Variants in NEDD8 observed in about 807,000 individuals in gnomAD.
NEDD8 encodes the protein NEDD8 ubiquitin like modifier, also known as ubiquitin-like protein NEDD8.
A neutral mutation model predicts 13.8 loss-of-function variants in NEDD8; 1 was observed. The observed-to-expected ratio is 0.07, with a 90% CI of 0.03 to 0.34. The LOEUF (loss-of-function observed/expected upper bound fraction) is 0.34. NEDD8 is among the 10% of genes least tolerant of loss of function. The pLI, the probability that NEDD8 is intolerant of heterozygous loss-of-function variation, is 0.99. For synonymous variants in NEDD8, 31 were observed against 33.2 expected, an observed-to-expected ratio of 0.93 and a Z score of 0.23; for missense variants, 10 against 95.2, an observed-to-expected ratio of 0.10 and a Z score of 3.73.
intron 1 of NEDD8, among the ~76,000 whole-genome samples, chr14:24,220,843 T>A (rs1270288058): frequency 6.6e-6 from 1 of 152,258 alleles, no homozygotes; most frequent in African/African-American, 2.4e-5. Context: ...CCGTCCTACC[T>A]GAGTCTGGCT....
intron 3 of NEDD8, 137 bp downstream of exon 3, chr14:24,217,996 A>T: frequency 9.9e-7 from 1 of 1,006,194 alleles, no homozygotes; most frequent in Non-Finnish European, 1.5e-6. Flanking sequence ...GAAGGGGCTT[A>T]GAGGCTTCAC....
rs750981651 is a variant in NEDD8 at position 24,232,285 on chromosome 14, G to T, written c.-18C>A. ...ATTAGCATCTTCTTTCCAGTTTGGG[G>T]CTGCACACGGATAAATTGCTGCTCC... On this transcript the variant is annotated 5_prime_UTR_variant, in exon 1 of 4. Coordinates refer to ENST00000250495, the MANE Select transcript of NEDD8 (RefSeq NM_006156.3). 6 of 1,613,774 alleles carry T rather than the reference G, an allele frequency of 3.7e-6. No individual in the cohort carries two copies. The highest frequency in any genetic ancestry group is 1.1e-5 in the South Asian group (1 of 91,072).
chr14:24,218,858 T>C lies in NEDD8; in HGVS notation c.19-427A>G, dbSNP rs1484405429. 3.2e-5 allele frequency: 7 copies of C among 220,394 alleles called. No homozygotes were observed. In the East Asian group the frequency reaches 7.8e-4, roughly 25 times the overall value. The allele number at this position is 220,394 out of a possible 1,614,324, so 13.7% of individuals were successfully genotyped here. On this transcript the variant is annotated intron_variant, in intron 1 of 3. Coordinates refer to ENST00000250495, the MANE Select transcript of NEDD8 (RefSeq NM_006156.3). ...GCCTCCCAGGTTCAACCAATTCTCC[T>C]GCCTCAGCCTCCCACGTAGCTGGGA...
intron 1 of NEDD8, among the ~76,000 whole-genome samples, chr14:24,224,688 G>T (rs757755755): frequency 3.3e-5 from 5 of 152,122 alleles, no homozygotes; most frequent in African/African-American, 4.8e-5. Context: ...AACCCCCAAT[G>T]AAACAATGTA....
At chr14:24,227,712 G>A (rs1216401481) in intron 1 of NEDD8, 1 of 152,192 alleles carries the variant, frequency 6.6e-6, no homozygotes, top group Non-Finnish European at 1.5e-5. Context: ...ATAGAGACAA[G>A]GTAACAAGAT....
At chr14:24,221,045 G>A (rs1307365037) in intron 1 of NEDD8, among the ~76,000 whole-genome samples, 2 of 152,188 alleles carry the variant, frequency 1.3e-5, no homozygotes, top group East Asian at 1.9e-4. Context: ...GTTTGGATAT[G>A]AAAGAATAAA....
intron 2 of NEDD8, 41 bp from the exon 3 acceptor site, chr14:24,218,256 A>G: frequency 1.2e-6 from 2 of 1,614,088 alleles, no homozygotes; most frequent in Non-Finnish European, 1.7e-6. Flanking sequence ...GCTTAGGGGT[A>G]GGACCATGGA....
At position 24,217,047 on chromosome 14, in the gene NEDD8, G is replaced by A. The variant is rs11500; in HGVS notation, c.*80C>T. 2.7e-6 allele frequency: 3 copies of A among 1,129,720 alleles called. No homozygotes were observed. The highest frequency in any genetic ancestry group is 1.5e-5 in the African/African-American group (1 of 64,690). The allele number at this position is 1,129,720 out of a possible 1,614,324, so 70.0% of individuals were successfully genotyped here. Reference sequence around the variant, plus strand: ...TGGGCATCCAGGGGAGGGGGCAGTGGCTATGGTGTCCCAGAGAGTGAGAGG... The same window carrying A: ...TGGGCATCCAGGGGAGGGGGCAGTGACTATGGTGTCCCAGAGAGTGAGAGG... On this transcript the variant is annotated 3_prime_UTR_variant, in exon 4 of 4. Transcript: ENST00000250495.
At chr14:24,220,297 C>G (rs908428562) in intron 1 of NEDD8, among the ~76,000 whole-genome samples, 1 of 152,170 alleles carries the variant, frequency 6.6e-6, no homozygotes, top group African/African-American at 2.4e-5. Context: ...ATAATCACAG[C>G]TAACATTTAC....
At position 24,217,298 on chromosome 14, in the gene NEDD8, G is replaced by T. The variant is rs1415004099; in HGVS notation, c.150-75C>A. 4 of 1,309,838 alleles carry T rather than the reference G, an allele frequency of 3.1e-6. No individual in the cohort carries two copies. In the East Asian group the frequency reaches 1.0e-4, roughly 33 times the overall value. 81.1% of individuals were successfully genotyped at this position (1,309,838 alleles called of 1,614,324 possible). A position where few individuals can be genotyped will look rare whatever the true frequency, so the allele number is the denominator to read the frequency against. On this transcript the variant is annotated intron_variant, in intron 3 of 3. Transcript: ENST00000250495. ...TTTTGTTGTTGTTGTTGTTGTTGTT[G>T]TTGTTGTTTTTGACAGAGTCTCGCT... is the stretch of plus-strand genomic sequence containing the variant.
At chr14:24,231,901 C>T (rs983275745) in intron 1 of NEDD8, 3 of 293,874 alleles carry the variant, frequency 1.0e-5, no homozygotes, top group Non-Finnish European at 1.9e-5. Flanking sequence ...GCGCTTACTC[C>T]AAGAATCTGA....
At chr14:24,228,534 A>T (rs1214428697) in intron 1 of NEDD8, 1 of 152,042 alleles carries the variant, frequency 6.6e-6, no homozygotes, top group Non-Finnish European at 1.5e-5. Context: ...GGGCAACACG[A>T]TGAGACCGCA....
At chr14:24,226,945 C>A (rs2039900043) in intron 1 of NEDD8, 1 of 152,094 alleles carries the variant, frequency 6.6e-6, no homozygotes, top group Non-Finnish European at 1.5e-5. Context: ...AAACACCCAT[C>A]AACAGGAGAA....
chr14:24,221,589 A>G (rs1472854986), intron 1 of NEDD8, among the ~76,000 whole-genome samples: 1 of 149,768 alleles, frequency 6.7e-6, no homozygotes, highest in Non-Finnish European at 1.5e-5. Context: ...CGATAATACA[A>G]ATTTTTATTT....
At chr14:24,218,553 C>T (rs986789721) in intron 1 of NEDD8, 122 bp from the exon 2 acceptor site, 4 of 1,377,504 alleles carry the variant, frequency 2.9e-6, no homozygotes, top group Non-Finnish European at 4.1e-6. Context: ...TTCTCAGCAG[C>T]ACTGCTTTGG....
intron 1 of NEDD8, among the ~76,000 whole-genome samples, chr14:24,220,021 C>G (rs2039778047): frequency 6.6e-6 from 1 of 152,186 alleles, no homozygotes; most frequent in African/African-American, 2.4e-5. Context: ...TGCCTGTAAT[C>G]CCAACTACTC....
At position 24,217,097 on chromosome 14, in the gene NEDD8, A is replaced by T. The variant is rs532246712; in HGVS notation, c.*30T>A. Reference sequence around the variant, plus strand: ...GATATATGATGCCTCATTATGAGCGACAGGGTAAAGAGGTAAAATGGAGGG... The same window carrying T: ...GATATATGATGCCTCATTATGAGCGTCAGGGTAAAGAGGTAAAATGGAGGG... On this transcript the variant is annotated 3_prime_UTR_variant, in exon 4 of 4. Coordinates refer to ENST00000250495, the MANE Select transcript of NEDD8 (RefSeq NM_006156.3). The T allele has an allele frequency of 1.3e-6, 2 of 1,571,544 alleles. No homozygotes were observed. The highest frequency in any genetic ancestry group is 4.5e-5 in the East Asian group (2 of 44,618).
chr14:24,230,478 T>C (rs1594497060), intron 1 of NEDD8, among the ~76,000 whole-genome samples: 1 of 122,620 alleles, frequency 8.2e-6, no homozygotes, highest in Non-Finnish European at 1.6e-5. Context: ...AAGCTTGCAG[T>C]GAGCCGAGAT....
chr14:24,218,501 T>G (rs575875040), intron 1 of NEDD8, 70 bp from the exon 2 acceptor site: 1 of 1,610,264 alleles, frequency 6.2e-7, no homozygotes, highest in East Asian at 2.2e-5. Flanking sequence ...TAAAACATCC[T>G]ATGTTGGTCT....
Sources: allele counts gnomAD v4.1 joint callset (sites outside exome capture counted in the v4.1 genomes callset), GRCh38; gene constraint gnomAD v4.1.1; transcripts MANE v1.5; gene names NCBI Gene and HGNC (gene_info 2026-07-23, HGNC 2026-07-21).